The following GABRB1 variants were observed in gnomAD, a reference collection of about 807,000 sequenced individuals.
GABRB1 encodes the protein gamma-aminobutyric acid type A receptor subunit beta1.
GABRB1 carries 17 observed loss-of-function variants against 51.6 expected under a neutral mutation model. That is an observed-to-expected ratio of 0.33 (90% CI 0.23 to 0.49). The LOEUF is 0.49. GABRB1 is among the 20% of genes least tolerant of loss of function. GABRB1 has a pLI of 0.99. For missense variants in GABRB1, 410 were observed against 600.6 expected, an observed-to-expected ratio of 0.68 and a Z score of 3.32; for synonymous variants, 247 against 218.9, an observed-to-expected ratio of 1.13 and a Z score of -1.14.
chr4:47,010,768 C>T (rs922780143), intron 1 of GABRB1, among the ~76,000 whole-genome samples: 1 of 152,168 alleles, frequency 6.6e-6, no homozygotes, highest in African/African-American at 2.4e-5. Context: ...CATTGCTTCT[C>T]CACTCTGGGT....
intron 4 of GABRB1, among the ~76,000 whole-genome samples, chr4:47,186,169 A>G (rs1426860223): frequency 7.4e-6 from 1 of 135,834 alleles, no homozygotes; most frequent in Non-Finnish European, 1.5e-5. Flanking sequence ...TTCGATGAAC[A>G]TTTCCTAAAT....
At chr4:47,270,866 A>G (rs1469419061) in intron 4 of GABRB1, among the ~76,000 whole-genome samples, 1 of 152,216 alleles carries the variant, frequency 6.6e-6, no homozygotes. Flanking sequence ...ATCCTATAGC[A>G]TACGAACACA....
intron 4 of GABRB1, among the ~76,000 whole-genome samples, chr4:47,308,208 G>T (rs998951568): frequency 5.9e-5 from 9 of 151,954 alleles, no homozygotes; most frequent in Non-Finnish European, 7.4e-5. Flanking sequence ...ATGAGGAAAA[G>T]GCATCTGATA....
intron 4 of GABRB1, among the ~76,000 whole-genome samples, chr4:47,299,247 A>G (rs1724144519): frequency 6.6e-6 from 1 of 152,194 alleles, no homozygotes; most frequent in African/African-American, 2.4e-5. Context: ...ATGGGATCTC[A>G]TTAAACTAAA....
chr4:47,333,061 T>G (rs1212783651), intron 5 of GABRB1, among the ~76,000 whole-genome samples: 1 of 148,014 alleles, frequency 6.8e-6, no homozygotes, highest in African/African-American at 2.5e-5. Context: ...AAGATGTTAA[T>G]CTATTTTTAA....
intron 5 of GABRB1, among the ~76,000 whole-genome samples, chr4:47,339,130 T>C (rs1725797030): frequency 6.6e-6 from 1 of 152,120 alleles, no homozygotes; most frequent in Non-Finnish European, 1.5e-5. Context: ...TATAGGGAAG[T>C]ATAAAATAAT....
chr4:47,058,964 A>G (rs1726735161), intron 3 of GABRB1, among the ~76,000 whole-genome samples: 1 of 152,250 alleles, frequency 6.6e-6, no homozygotes, highest in South Asian at 2.1e-4. Flanking sequence ...ACTAATAATC[A>G]ATGCTGAAGT....
intron 3 of GABRB1, among the ~76,000 whole-genome samples, chr4:47,055,376 C>A (rs1403863214): frequency 6.6e-6 from 1 of 152,134 alleles, no homozygotes. Context: ...TCCATTAATG[C>A]AGTTATTTGT....
intron 4 of GABRB1, among the ~76,000 whole-genome samples, chr4:47,227,770 G>A (rs1389538348): frequency 1.3e-5 from 2 of 152,106 alleles, no homozygotes; most frequent in East Asian, 1.9e-4. Context: ...CAGTTCTGGA[G>A]GCTAGAATCT....
chr4:47,105,780 T>G lies in GABRB1; in HGVS notation c.241-55469T>G, dbSNP rs573189380. ...ATGCCATTAGGGAGGCTTTCCCAGT[T>G]CTCTGCCCCCAATATTCCTCATAAG... On this transcript the variant is annotated intron_variant, in intron 3 of 8. Coordinates refer to ENST00000295454, the MANE Select transcript of GABRB1 (RefSeq NM_000812.4). Among the ~76,000 whole-genome samples, 7 of 152,208 alleles carry G rather than the reference T, an allele frequency of 4.6e-5. No individual in the cohort carries two copies. The East Asian group carries it at 1.4e-3, about 29-fold the overall frequency.
In GABRB1 at chr4:47,426,029, A is replaced by T. The variant is rs1282852852; in HGVS notation, c.*11A>T. On this transcript the variant is annotated 3_prime_UTR_variant, in exon 9 of 9. Coordinates refer to ENST00000295454, the MANE Select transcript of GABRB1 (RefSeq NM_000812.4). Reference sequence around the variant, plus strand: ...TACTATGTACACTGAGGTCTGTTCTAATGGTTCCATTTAGACTACTTTCCT... The same window carrying T: ...TACTATGTACACTGAGGTCTGTTCTTATGGTTCCATTTAGACTACTTTCCT... 1 of 1,542,322 alleles carries T rather than the reference A, an allele frequency of 6.5e-7. No individual in the cohort carries two copies. Among genetic ancestry groups the T allele is most frequent in the Non-Finnish European group, 8.8e-7 (1 of 1,140,874 alleles).
intron 3 of GABRB1, among the ~76,000 whole-genome samples, chr4:47,036,699 CA>C (rs746503607): frequency 1.1e-4 from 16 of 151,702 alleles, no homozygotes; most frequent in Non-Finnish European, 2.1e-4. Flanking sequence ...CCATGTCTAC[CA>C]AAAGTATACA....
At chr4:46,993,668 A>G (rs1723868349), upstream of GABRB1, 1 of 499,632 alleles carries the variant, frequency 2.0e-6, no homozygotes, top group East Asian at 3.7e-5. Flanking sequence ...AGAGCTATGT[A>G]TACCGCTCCA....
intron 4 of GABRB1, among the ~76,000 whole-genome samples, chr4:47,175,400 C>T (rs943386277): frequency 5.9e-5 from 9 of 151,908 alleles, no homozygotes; most frequent in African/African-American, 2.2e-4. Context: ...ATTTCTTTTT[C>T]CTACAATGCA....
chr4:47,267,173 A>T (rs781002572), intron 4 of GABRB1, among the ~76,000 whole-genome samples: 18 of 152,156 alleles, frequency 1.2e-4, no homozygotes, highest in Non-Finnish European at 2.5e-4. Flanking sequence ...TTTAAAAGAA[A>T]CAGAGACAGC....
At chr4:47,353,259 T>A (rs1726428022) in intron 5 of GABRB1, among the ~76,000 whole-genome samples, 1 of 152,178 alleles carries the variant, frequency 6.6e-6, no homozygotes, top group South Asian at 2.1e-4. Flanking sequence ...AGCCAAACCA[T>A]ATCAAACTGC....
chr4:47,026,629 A>G (rs930741918), upstream of GABRB1, among the ~76,000 whole-genome samples: 4 of 152,034 alleles, frequency 2.6e-5, no homozygotes, highest in Non-Finnish European at 4.4e-5. Flanking sequence ...AGAGGGCACA[A>G]CACTGCAAAT....
At chr4:47,245,168 C>T (rs1290626872) in intron 4 of GABRB1, among the ~76,000 whole-genome samples, 3 of 152,102 alleles carry the variant, frequency 2.0e-5, no homozygotes, top group Non-Finnish European at 4.4e-5. Flanking sequence ...GGGGATATCA[C>T]CACTGATTCC....
chr4:47,298,896 G>A (rs1415999494), intron 4 of GABRB1, among the ~76,000 whole-genome samples: 1 of 151,804 alleles, frequency 6.6e-6, no homozygotes, highest in East Asian at 1.9e-4. Context: ...CAGAGATATA[G>A]ACCAATGGAA....
Sources: gnomAD v4.1 joint callset for allele counts (sites outside exome capture counted in the v4.1 genomes callset) on GRCh38, gnomAD v4.1.1 for gene constraint, MANE v1.5 for transcripts, NCBI Gene and HGNC (gene_info 2026-07-23, HGNC 2026-07-21) for gene names.